VPS4B: variants seen among roughly 807,000 people sequenced by gnomAD.
VPS4B encodes the protein vacuolar protein sorting-associated protein 4B.
In VPS4B, 23 loss-of-function variants were observed where a neutral mutation model predicts 56.1. The observed-to-expected ratio is 0.41, with a 90% CI of 0.30 to 0.58. The LOEUF (loss-of-function observed/expected upper bound fraction) is 0.58. Ranked by LOEUF, VPS4B falls within the 20% of genes least tolerant of loss-of-function variation. The pLI, the probability that VPS4B is intolerant of heterozygous loss-of-function variation, is 0.29. For synonymous variants in VPS4B, 177 were observed against 186.0 expected (o/e 0.95, Z 0.39); for missense variants, 372 against 531.9 (o/e 0.70, Z 2.96).
Position 63,397,059 on chromosome 18 carries a change from A to G in VPS4B, c.1067T>C (p.Val356Ala). ...CTTTTTAAAATGAGTAGCTGACTGT[A>G]CTTTCCTAACAGGCTGCATAAGGGC... ...RDALMQPVRKVQSATHFKKVR... is the reference protein window; with the variant it reads ...RDALMQPVRKAQSATHFKKVR... The change falls in exon 9 of 11, where the codon GTA becomes GCA. Residue 356 changes from valine to alanine, a missense_variant. Val to Ala is a moderately conservative substitution (Grantham distance 64). Around this residue, in one of 3 missense-constraint regions of VPS4B, gnomAD observed 153 missense variants for 190.9 expected, o/e 0.80. Coordinates refer to ENST00000238497, the MANE Select transcript of VPS4B (RefSeq NM_004869.4). 6.2e-7 allele frequency: 1 copy of G among 1,613,990 alleles called. No homozygotes were observed. Among genetic ancestry groups the G allele is most frequent in the African/African-American group, 1.3e-5 (1 of 74,998 alleles).
Position 63,400,233 on chromosome 18 carries a change from T to C in VPS4B, c.642-37A>G, listed in dbSNP as rs760948170. Reference sequence around the variant, plus strand: ...TGAAAACTTTTAAGTCTCTAAAAAATAGTAAAAGATTAAAACAAAGTAATA... The same window carrying C: ...TGAAAACTTTTAAGTCTCTAAAAAACAGTAAAAGATTAAAACAAAGTAATA... On this transcript the variant is annotated intron_variant, in intron 6 of 10. Coordinates refer to ENST00000238497, the MANE Select transcript of VPS4B (RefSeq NM_004869.4). 1.0e-5 allele frequency: 16 copies of C among 1,556,618 alleles called. No homozygotes were observed. The South Asian group carries it at 1.8e-4, about 18-fold the overall frequency.
At position 63,393,546 on chromosome 18, in the gene VPS4B, G is replaced by A. The variant is rs200235369; in HGVS notation, c.1096C>T (p.Arg366Cys). ...VQSATHFKKVRGPSRADPNHL... is the reference protein window; with the variant it reads ...VQSATHFKKVCGPSRADPNHL... ...TTAGGATCAGCTCGGGAAGGTCCGC[G>A]AACCTGAAATAAACAGTAATCTGAA... is the stretch of plus-strand genomic sequence containing the variant. The change falls in exon 10 of 11, where the codon CGC (arginine) becomes TGC (cysteine). Residue 366 changes from arginine to cysteine, a missense_variant. By Grantham distance (180) the Arg-to-Cys change is radical. Transcript: ENST00000238497. 2.9e-5 allele frequency: 46 copies of A among 1,575,868 alleles called. No homozygotes were observed. Among genetic ancestry groups the A allele is most frequent in the Non-Finnish European group, 3.6e-5 (42 of 1,163,958 alleles).
chr18:63,410,673 A>G (rs973778270), intron 2 of VPS4B, among the ~76,000 whole-genome samples: 1 of 152,240 alleles, frequency 6.6e-6, no homozygotes, highest in Non-Finnish European at 1.5e-5. Context: ...TAAGCAAGAC[A>G]GCAGGGTATA....
At chr18:63,409,078 G>A (rs142170834) in intron 3 of VPS4B, among the ~76,000 whole-genome samples, 1 of 152,314 alleles carries the variant, frequency 6.6e-6, no homozygotes, top group Admixed American at 6.5e-5. Context: ...TTGGAATTCA[G>A]TAATTTGTAA....
Position 63,415,368 on chromosome 18 carries a change from G to A in VPS4B, c.28-3790C>T, listed in dbSNP as rs1198904271. On this transcript the variant is annotated intron_variant, in intron 1 of 10. Coordinates refer to ENST00000238497, the MANE Select transcript of VPS4B (RefSeq NM_004869.4). ...TTTACTCTCTATCCTTCTGCATGACGCTGGCTACTGCTATCTCAAAGTCCT... is the reference window on the plus strand; with the variant it reads ...TTTACTCTCTATCCTTCTGCATGACACTGGCTACTGCTATCTCAAAGTCCT... 16 of 240,300 alleles carry A rather than the reference G, an allele frequency of 6.7e-5. No individual in the cohort carries two copies. In the South Asian group the frequency reaches 8.3e-4, roughly 12 times the overall value. The allele number at this position is 240,300 out of a possible 1,614,324, so 14.9% of individuals were successfully genotyped here.
intron 2 of VPS4B, 72 bp downstream of exon 2, chr18:63,411,395 A>C (rs980653245): frequency 2.6e-6 from 3 of 1,139,088 alleles, no homozygotes; most frequent in Non-Finnish European, 3.5e-6. Flanking sequence ...ATTATATTTC[A>C]ATTTTTTAGA....
intron 1 of VPS4B, among the ~76,000 whole-genome samples, chr18:63,412,646 CA>C (rs1461870329): frequency 6.6e-6 from 1 of 152,030 alleles, no homozygotes; most frequent in Non-Finnish European, 1.5e-5. Flanking sequence ...AAAATTAACT[CA>C]AAAATGGATC....
At position 63,391,079 on chromosome 18, in the gene VPS4B, G is replaced by A; in HGVS notation, c.1234-3C>T. 6.3e-7 allele frequency: 1 copy of A among 1,597,356 alleles called. No individual in the cohort carries two copies. The highest frequency in any genetic ancestry group is 8.6e-7 in the Non-Finnish European group (1 of 1,165,704). ...GATAGTGACCGCAACATATCCGACTGTCAGGGAAAAAGAAGGGTAGGGAGG... is the reference window on the plus strand; with the variant it reads ...GATAGTGACCGCAACATATCCGACTATCAGGGAAAAAGAAGGGTAGGGAGG... On this transcript the variant is annotated splice_polypyrimidine_tract_variant and splice_region_variant and intron_variant, in intron 10 of 10. Coordinates refer to ENST00000238497, the MANE Select transcript of VPS4B (RefSeq NM_004869.4).
intron 9 of VPS4B, chr18:63,396,466 C>G (rs1392693830): frequency 6.6e-6 from 1 of 152,454 alleles, no homozygotes; most frequent in African/African-American, 2.4e-5. Flanking sequence ...TTGCCTGAGG[C>G]TGGTCTCTCC....
At chr18:63,401,428 T>C (rs1160469112) in intron 5 of VPS4B, among the ~76,000 whole-genome samples, 1 of 152,140 alleles carries the variant, frequency 6.6e-6, no homozygotes, top group Non-Finnish European at 1.5e-5. Flanking sequence ...CTAGTTTTTG[T>C]ATTTTAGTAG....
At chr18:63,392,286 C>T (rs746169629) in intron 10 of VPS4B, among the ~76,000 whole-genome samples, 1 of 152,080 alleles carries the variant, frequency 6.6e-6, no homozygotes, top group Non-Finnish European at 1.5e-5. Flanking sequence ...CAAAGTAAGT[C>T]TTGTAGATTA....
At chr18:63,414,092 CAG>C (rs986312336) in intron 1 of VPS4B, among the ~76,000 whole-genome samples, 1 of 152,148 alleles carries the variant, frequency 6.6e-6, no homozygotes, top group Non-Finnish European at 1.5e-5. Flanking sequence ...GCCTGGGTGA[CAG>C]AGTGAGGCCA....
intron 8 of VPS4B, among the ~76,000 whole-genome samples, chr18:63,399,007 A>G (rs1915750454): frequency 6.6e-6 from 1 of 152,148 alleles, no homozygotes; most frequent in Non-Finnish European, 1.5e-5. Flanking sequence ...TAGGTAATAT[A>G]TTTTCTAATA....
intron 9 of VPS4B, 43 bp downstream of exon 9, chr18:63,396,991 A>G (rs1268445840): frequency 2.0e-6 from 3 of 1,531,046 alleles, no homozygotes; most frequent in Non-Finnish European, 1.8e-6. Flanking sequence ...CTGTCTCAAA[A>G]AAAAAAAAAA....
rs1236429067 is a variant in VPS4B at position 63,390,858 on chromosome 18, G to A, written c.*117C>T. 3.1e-6 allele frequency: 2 copies of A among 648,506 alleles called. No homozygotes were observed. The highest frequency in any genetic ancestry group is 5.3e-6 in the Non-Finnish European group (2 of 376,304). 40.2% of individuals were successfully genotyped at this position (648,506 alleles called of 1,614,324 possible). ...AAAACCTAATGGAACTCTGAAGTGA[G>A]ATGTGTATTTCCCTGTGGTAAAAGA... On this transcript the variant is annotated 3_prime_UTR_variant, in exon 11 of 11. Coordinates refer to ENST00000238497, the MANE Select transcript of VPS4B (RefSeq NM_004869.4).
chr18:63,393,501 G>C lies in VPS4B; in HGVS notation c.1141C>G (p.Leu381Val), dbSNP rs201406128. The change falls in exon 10 of 11, where the codon CTA becomes GTA. Residue 381 changes from leucine (L) to valine (V), a missense_variant. Transcript: ENST00000238497. ...GGGTCACCTGGAGAGCAAGGTGTTA[G>C]CAGATCATCTACAAGATGGTTAGGA... ...ADPNHLVDDL[L>V]TPCSPGDPGA... The C allele has an allele frequency of 4.9e-5, 79 of 1,612,506 alleles. No homozygotes were observed. Among genetic ancestry groups the C allele is most frequent in the Admixed American group, 3.3e-5 (2 of 59,804 alleles).
chr18:63,391,608 TG>T (rs1915551623), intron 10 of VPS4B, among the ~76,000 whole-genome samples: 1 of 152,228 alleles, frequency 6.6e-6, no homozygotes, highest in Admixed American at 6.5e-5. Context: ...TCCCCTGAAC[TG>T]ATCAAATGGC....
chr18:63,392,384 G>A (rs1915568991), intron 10 of VPS4B, among the ~76,000 whole-genome samples: 1 of 152,158 alleles, frequency 6.6e-6, no homozygotes, highest in Non-Finnish European at 1.5e-5. Flanking sequence ...ATGGAGCTTT[G>A]AGAAGTGAAA....
chr18:63,409,681 C>G (rs188063185), intron 3 of VPS4B, among the ~76,000 whole-genome samples: 1 of 152,294 alleles, frequency 6.6e-6, no homozygotes, highest in Non-Finnish European at 1.5e-5. Flanking sequence ...TGCCAAAAAT[C>G]AGTTTCAACG....
Sources: gnomAD v4.1 joint callset for allele counts (sites outside exome capture counted in the v4.1 genomes callset) on GRCh38, gnomAD v4.1.1 for gene constraint, gnomAD v4.1.1 regional missense constraint, MANE v1.5 for transcripts, NCBI Gene and HGNC (gene_info 2026-07-23, HGNC 2026-07-21) for gene names.